The following OSR1 variants were observed in gnomAD, a reference collection of about 807,000 sequenced individuals.
The protein encoded by OSR1 is protein odd-skipped-related 1.
Under a neutral mutation model 15.7 loss-of-function variants are expected in OSR1, and 3 were observed. The ratio of observed to expected loss-of-function variants is 0.19; its 90% CI spans 0.09 to 0.50. The LOEUF (loss-of-function observed/expected upper bound fraction) is 0.50. OSR1 is among the 20% of genes least tolerant of loss of function. The pLI is 0.97. For missense variants in OSR1, 271 were observed against 351.1 expected (o/e 0.77, Z 1.82); for synonymous variants, 166 against 152.7 (o/e 1.09, Z -0.64).
At chr2:19,346,489 G>T (rs910349574), downstream of OSR1, among the ~76,000 whole-genome samples, 50 of 152,202 alleles carry the variant, frequency 3.3e-4, no homozygotes, top group African/African-American at 1.1e-3. Flanking sequence ...AATGGGTCAG[G>T]CATGGTGCCT....
chr2:19,354,685 G>C (rs190284539), intron 1 of OSR1: 1 of 152,334 alleles, frequency 6.6e-6, no homozygotes, highest in African/African-American at 2.4e-5. Context: ...CTTAGCCCTC[G>C]GGGACCACTT....
At chr2:19,347,985 C>T (rs147013318), downstream of OSR1, among the ~76,000 whole-genome samples, 3 of 152,268 alleles carry the variant, frequency 2.0e-5, no homozygotes, top group East Asian at 1.9e-4. Context: ...GATTTCCACG[C>T]ACCGCCGTCA....
Position 19,353,826 on chromosome 2 carries a change from C to T in OSR1, c.-21G>A, listed in dbSNP as rs1572260240. 6.3e-7 allele frequency: 1 copy of T among 1,596,258 alleles called. No homozygotes were observed. The highest frequency in any genetic ancestry group is 8.5e-7 in the Non-Finnish European group (1 of 1,169,692). On this transcript the variant is annotated 5_prime_UTR_variant, in exon 2 of 3. Coordinates refer to ENST00000272223, the MANE Select transcript of OSR1 (RefSeq NM_145260.3). ...CCCATTTCGGTAGTTGCAGTGGCTT[C>T]TCAATCCGGATCTGCAAAGAAAAGA...
intron 2 of OSR1, 125 bp from the exon 3 acceptor site, chr2:19,352,535 A>G (rs1037771321): frequency 8.6e-7 from 1 of 1,159,356 alleles, no homozygotes; most frequent in African/African-American, 1.5e-5. Flanking sequence ...TCAGGTACCA[A>G]GTGTGGATGG....
At chr2:19,349,455 C>T (rs1664793883), downstream of OSR1, among the ~76,000 whole-genome samples, 1 of 152,192 alleles carries the variant, frequency 6.6e-6, no homozygotes, top group Non-Finnish European at 1.5e-5. Context: ...TCCTGTCCCA[C>T]CCTCCATTCC....
downstream of OSR1, among the ~76,000 whole-genome samples, chr2:19,350,230 G>A (rs563437393): frequency 6.6e-6 from 1 of 152,274 alleles, no homozygotes; most frequent in East Asian, 1.9e-4. Flanking sequence ...GCGAGGTTGC[G>A]GGCAAGACCC....
intron 1 of OSR1, chr2:19,358,078 C>A (rs1215709424): frequency 1.3e-5 from 2 of 152,306 alleles, no homozygotes; most frequent in African/African-American, 4.8e-5. Flanking sequence ...TTCCGCAGAG[C>A]CGGGCGGGCT....
At chr2:19,353,081 G>A in intron 2 of OSR1, 60 bp downstream of exon 2, 3 of 1,576,238 alleles carry the variant, frequency 1.9e-6, no homozygotes, top group Non-Finnish European at 2.6e-6. Flanking sequence ...CCTCGTTAGG[G>A]AGAAAGATGG....
chr2:19,352,281 T>C lies in OSR1; in HGVS notation c.795A>G (p.Lys265=), dbSNP rs966329217. The C allele has an allele frequency of 6.2e-7, 1 of 1,614,064 alleles. No homozygotes were observed. The highest frequency in any genetic ancestry group is 1.3e-5 in the African/African-American group (1 of 74,940). The change falls in exon 3 of 3, where the codon AAA becomes AAG. Residue 265 remains lysine (K), a synonymous_variant. Transcript: ENST00000272223. ...TGTGACCCACAGGTTCTATTTAGCA[T>C]TTGATCTTGGAGGTTTTGAGCTCCT... ...QVKELKTSKI[K]C
downstream of OSR1, among the ~76,000 whole-genome samples, chr2:19,349,322 C>T (rs1048470400): frequency 5.3e-5 from 8 of 152,158 alleles, no homozygotes; most frequent in East Asian, 1.9e-4. Context: ...TGTTTCTGCA[C>T]AGTCTATGAA....
At chr2:19,347,549 G>A (rs1664752422), downstream of OSR1, among the ~76,000 whole-genome samples, 2 of 152,200 alleles carry the variant, frequency 1.3e-5, no homozygotes, top group Admixed American at 1.3e-4. Flanking sequence ...TCTCAAGTCC[G>A]TAATGAATTT....
At chr2:19,349,245 T>G (rs1177365662), downstream of OSR1, among the ~76,000 whole-genome samples, 2 of 152,174 alleles carry the variant, frequency 1.3e-5, no homozygotes, top group African/African-American at 4.8e-5. Context: ...CCACATCACC[T>G]GGGAATTGTA....
rs1558358912 is a variant in OSR1 at position 19,351,834 on chromosome 2, T to G, written c.*441A>C. On this transcript the variant is annotated 3_prime_UTR_variant, in exon 3 of 3. Coordinates refer to ENST00000272223, the MANE Select transcript of OSR1 (RefSeq NM_145260.3). ...AGGGGCGGGAGGAGGAGGTGGGAGC[T>G]GCCAGTGCTAAGGACTTCGTTGCCT... 1 of 153,644 alleles carries G rather than the reference T, an allele frequency of 6.5e-6. No individual in the cohort carries two copies. Among genetic ancestry groups the G allele is most frequent in the African/African-American group, 2.4e-5 (1 of 41,452 alleles). The allele number at this position is 153,644 out of a possible 1,614,324, so 9.5% of individuals were successfully genotyped here.
chr2:19,352,835 T>C lies in OSR1; in HGVS notation c.665+306A>G, dbSNP rs45438996. Among the ~76,000 whole-genome samples, 647 of 152,304 alleles carry C rather than the reference T, an allele frequency of 4.2e-3. 6 individuals carry two copies. The highest frequency in any genetic ancestry group is 0.015 in the African/African-American group (624 of 41,560). On this transcript the variant is annotated intron_variant, in intron 2 of 2. Transcript: ENST00000272223. ...TTAGTTTCTCAGACATTTCAAATACTTAACTGTCACATGTGTCACATGTCA... is the reference window on the plus strand; with the variant it reads ...TTAGTTTCTCAGACATTTCAAATACCTAACTGTCACATGTGTCACATGTCA...
At chr2:19,345,784 T>A in the OSR1 span, among the ~76,000 whole-genome samples, 3 of 152,214 alleles carry the variant, frequency 2.0e-5, no homozygotes, top group African/African-American at 7.2e-5. Flanking sequence ...AACAGGGAAA[T>A]GCTATGTGTA....
chr2:19,357,224 G>T lies in OSR1; in HGVS notation c.-33+1117C>A, dbSNP rs1664967615. ...GCCTGGGATGGAACATCTACACGCC[G>T]CCGGTCGCTGCTAGTCCCCTCCAGC... On this transcript the variant is annotated intron_variant, in intron 1 of 2. Coordinates refer to ENST00000272223, the MANE Select transcript of OSR1 (RefSeq NM_145260.3). This position sits in a 1 kb window ranked among gnomAD's most constrained non-coding sequence, Gnocchi z 5.0. Among the ~76,000 whole-genome samples the T allele has an allele frequency of 1.3e-5, 2 of 152,148 alleles. No individual in the cohort carries two copies. Among genetic ancestry groups the T allele is most frequent in the Non-Finnish European group, 2.9e-5 (2 of 68,032 alleles).
chr2:19,346,542 A>T (rs1664734370), downstream of OSR1: 1 of 152,382 alleles, frequency 6.6e-6, no homozygotes, highest in South Asian at 2.1e-4. Flanking sequence ...AGGTGGGAGG[A>T]TCACTTGAGA....
chr2:19,353,866 T>G (rs1371250617), intron 1 of OSR1, 29 bp from the exon 2 acceptor site: 1 of 1,512,782 alleles, frequency 6.6e-7, no homozygotes, highest in Non-Finnish European at 8.9e-7. Flanking sequence ...GGCAGGGGCG[T>G]GGAGAGGAAT....
rs1572261951 is a variant in OSR1 at position 19,357,214 on chromosome 2, T to G, written c.-33+1127A>C. ...ACCTCGAGGAGCCTGGGATGGAACATCTACACGCCGCCGGTCGCTGCTAGT... is the reference window on the plus strand; with the variant it reads ...ACCTCGAGGAGCCTGGGATGGAACAGCTACACGCCGCCGGTCGCTGCTAGT... On this transcript the variant is annotated intron_variant, in intron 1 of 2. Coordinates refer to ENST00000272223, the MANE Select transcript of OSR1 (RefSeq NM_145260.3). The surrounding 1 kb of genome is among the most constrained non-coding windows in gnomAD (Gnocchi z 5.0). 6.6e-6 allele frequency among the ~76,000 whole-genome samples: 1 copy of G among 152,090 alleles called. No homozygotes were observed. Among genetic ancestry groups the G allele is most frequent in the Non-Finnish European group, 1.5e-5 (1 of 68,006 alleles).
Sources: gnomAD v4.1 joint callset for allele counts (sites outside exome capture counted in the v4.1 genomes callset) on GRCh38, gnomAD v4.1.1 for gene constraint, Gnocchi (gnomAD v3.1) non-coding constraint, MANE v1.5 for transcripts, NCBI Gene and HGNC (gene_info 2026-07-23, HGNC 2026-07-21) for gene names.